ASAP1: variants seen among roughly 807,000 people sequenced by gnomAD.
ASAP1 encodes the protein arf-GAP with SH3 domain, ANK repeat and PH domain-containing protein 1.
A neutral mutation model predicts 145.2 loss-of-function variants in ASAP1; 43 were observed. The ratio of observed to expected loss-of-function variants is 0.30; its 90% confidence interval spans 0.23 to 0.38. The LOEUF (loss-of-function observed/expected upper bound fraction) is 0.38, where lower values mean the gene tolerates loss of function less well. Among genes scored for constraint, ASAP1 ranks in the 10% least tolerant of loss-of-function variants. The pLI is 1.00. For missense variants in ASAP1, 1,018 were observed against 1,355.3 expected, an observed-to-expected ratio of 0.75 and a Z score of 3.91; for synonymous variants, 546 against 515.5, an observed-to-expected ratio of 1.06 and a Z score of -0.80.
At chr8:130,436,547 G>A (rs1019567753) in intron 1 of ASAP1, among the ~76,000 whole-genome samples, 5 of 152,346 alleles carry the variant, frequency 3.3e-5, no homozygotes, top group Non-Finnish European at 7.3e-5. Flanking sequence ...CGAGGCTCAA[G>A]CAATCCACCC....
chr8:130,347,350 G>C (rs1330328840), intron 3 of ASAP1, among the ~76,000 whole-genome samples: 1 of 152,194 alleles, frequency 6.6e-6, no homozygotes, highest in African/African-American at 2.4e-5. Context: ...AGGATCAAGG[G>C]GAGGTGACAC....
At chr8:130,176,837 T>C (rs1813989763) in intron 9 of ASAP1, among the ~76,000 whole-genome samples, 4 of 152,056 alleles carry the variant, frequency 2.6e-5, no homozygotes, top group Admixed American at 2.6e-4. Flanking sequence ...ATTACAGGTA[T>C]GCGCAACCAC....
chr8:130,288,045 A>G (rs1821723279), intron 3 of ASAP1, among the ~76,000 whole-genome samples: 1 of 152,204 alleles, frequency 6.6e-6, no homozygotes, highest in Admixed American at 6.5e-5. Flanking sequence ...ACTGTGCTCT[A>G]GTCCGACTCC....
chr8:130,272,636 T>C (rs1160939966), intron 3 of ASAP1, among the ~76,000 whole-genome samples: 3 of 152,242 alleles, frequency 2.0e-5, no homozygotes, highest in Non-Finnish European at 4.4e-5. Context: ...AAAGAAGATG[T>C]AGTATATATA....
rs71572335 is a variant in ASAP1, at chr8:130,418,539, A to AAAATAAAT, written c.-27-16577_-27-16570dup. 1.2e-3 allele frequency among the ~76,000 whole-genome samples: 182 copies of AAAATAAAT among 147,740 alleles called. 1 individual carries two copies. The highest frequency in any genetic ancestry group is 4.0e-3 in the African/African-American group (160 of 39,980). ...CTCCAGCCTGGGTGACCTCTGTCTC[A>AAAATAAAT]AAATAAATAAATAAATAAATAAATA... is the stretch of plus-strand genomic sequence containing the variant. On this transcript the variant is annotated intron_variant, in intron 1 of 29. Transcript: ENST00000518721.
At chr8:130,356,538 A>G (rs1172495958) in intron 3 of ASAP1, among the ~76,000 whole-genome samples, 1 of 152,100 alleles carries the variant, frequency 6.6e-6, no homozygotes, top group Non-Finnish European at 1.5e-5. Context: ...ACAAAGACAA[A>G]AAAAAAGAAA....
In ASAP1 at chr8:130,358,168, C is replaced by A. The variant is rs1172557846; in HGVS notation, c.60-25G>T. The A allele has an allele frequency of 6.3e-7, 1 of 1,583,126 alleles. No homozygotes were observed. The highest frequency in any genetic ancestry group is 1.7e-5 in the Admixed American group (1 of 58,948). On this transcript the variant is annotated intron_variant, in intron 2 of 29. Transcript: ENST00000518721. This position sits in a 1 kb window ranked among gnomAD's most constrained non-coding sequence, Gnocchi z 4.1. ...CCTGCCGGGAGGGACGAGACACAAG[C>A]GGGGGCGGGGGGTGAGTCACGGCGC...
chr8:130,118,543 A>G lies in ASAP1; in HGVS notation c.1740T>C (p.Ile580=). 1 of 1,614,122 alleles carries G rather than the reference A, an allele frequency of 6.2e-7. No homozygotes were observed. ...AIKSRDLLAL[I]QVYAEGVELM... is the part of the protein sequence containing the mutation. ...GCTCTACCCCTTCTGCATAGACTTG[A>G]ATTAGTGCAAGTAAATCCCTGGATT... is the stretch of plus-strand genomic sequence containing the variant. The change falls in exon 19 of 30, where the codon ATT becomes ATC. Residue 580 remains isoleucine (I), a synonymous_variant. Transcript: ENST00000518721.
intron 27 of ASAP1, among the ~76,000 whole-genome samples, chr8:130,070,818 AGAGG>A (rs2097441601): frequency 1.6e-5 from 1 of 63,064 alleles, no homozygotes; most frequent in Non-Finnish European, 3.0e-5. Flanking sequence ...TTGAGGGGAG[AGAGG>A]GAGAGAGGGA....
chr8:130,236,193 C>T (rs1186623258), intron 4 of ASAP1, among the ~76,000 whole-genome samples: 1 of 152,074 alleles, frequency 6.6e-6, no homozygotes, highest in Non-Finnish European at 1.5e-5. Flanking sequence ...GAGAAGTAAC[C>T]TATTGGTAGG....
chr8:130,384,501 C>T (rs905844585), intron 2 of ASAP1, among the ~76,000 whole-genome samples: 8 of 152,036 alleles, frequency 5.3e-5, no homozygotes, highest in Non-Finnish European at 1.0e-4. Context: ...TTTTTTCAGA[C>T]GGAGTCTCAC....
At chr8:130,424,703 G>A (rs1376733444) in intron 1 of ASAP1, among the ~76,000 whole-genome samples, 1 of 151,924 alleles carries the variant, frequency 6.6e-6, no homozygotes, top group African/African-American at 2.4e-5. Context: ...TACAAGAGTG[G>A]ACAAAACAGG....
At chr8:130,231,314 T>A (rs1204056943) in intron 4 of ASAP1, among the ~76,000 whole-genome samples, 1 of 152,196 alleles carries the variant, frequency 6.6e-6, no homozygotes, top group African/African-American at 2.4e-5. Flanking sequence ...TGCAAAACTG[T>A]TTATAACAAT....
intron 1 of ASAP1, among the ~76,000 whole-genome samples, chr8:130,418,907 T>G (rs1047638970): frequency 1.3e-5 from 2 of 152,094 alleles, no homozygotes; most frequent in African/African-American, 4.8e-5. Context: ...ATCACTGCTG[T>G]GGAAGGGGCT....
chr8:130,125,847 G>T, intron 17 of ASAP1, 109 bp downstream of exon 17: 1 of 1,141,882 alleles, frequency 8.8e-7, no homozygotes, highest in South Asian at 1.9e-5. Flanking sequence ...CAAAATTCAG[G>T]AATTATAATT....
intron 4 of ASAP1, among the ~76,000 whole-genome samples, chr8:130,235,548 C>T (rs1199618745): frequency 6.6e-6 from 1 of 151,968 alleles, no homozygotes; most frequent in Non-Finnish European, 1.5e-5. Flanking sequence ...GAAATAAAAG[C>T]GAAAGGGCAG....
intron 24 of ASAP1, among the ~76,000 whole-genome samples, chr8:130,095,622 C>CTT (rs141561036): frequency 4.6e-5 from 6 of 129,960 alleles, no homozygotes; most frequent in Non-Finnish European, 6.7e-5. Context: ...ATTCTTTTGT[C>CTT]TTTTTTTTTT....
At chr8:130,160,819 CAG>C (rs1327431023) in intron 11 of ASAP1, 17 of 1,279,424 alleles carry the variant, frequency 1.3e-5, no homozygotes, top group African/African-American at 3.1e-5. Context: ...GCAAAAGAAA[CAG>C]AGAAAAAAGG....
intron 2 of ASAP1, among the ~76,000 whole-genome samples, chr8:130,368,424 G>T (rs907893268): frequency 6.6e-6 from 1 of 152,104 alleles, no homozygotes; most frequent in African/African-American, 2.4e-5. Flanking sequence ...TGACTACATT[G>T]TCTGTCTCTC....
Sources: gnomAD v4.1 joint callset for allele counts (sites outside exome capture counted in the v4.1 genomes callset) on GRCh38, gnomAD v4.1.1 for gene constraint, Gnocchi (gnomAD v3.1) non-coding constraint, MANE v1.5 for transcripts, NCBI Gene and HGNC (gene_info 2026-07-23, HGNC 2026-07-21) for gene names.